Variants in DYSF observed in about 807,000 individuals in gnomAD.
DYSF encodes the protein dysferlin, also known as dystrophy-associated fer-1-like 1.
DYSF carries 212 observed loss-of-function variants against 274.9 expected under a neutral mutation model. The observed-to-expected ratio is 0.77, with a 90% confidence interval of 0.69 to 0.86. The LOEUF (loss-of-function observed/expected upper bound fraction) is 0.86, where lower values mean the gene tolerates loss of function less well. Ranked by LOEUF, DYSF falls within the 40% of genes least tolerant of loss-of-function variation. The probability of loss-of-function intolerance (pLI) is 0.00; values close to 1 mark genes in which losing one functional copy is unlikely to be tolerated. For missense variants in DYSF, 2,666 were observed against 2,783.2 expected, an observed-to-expected ratio of 0.96 and a Z score of 0.95; for synonymous variants, 1,091 against 1,078.7, an observed-to-expected ratio of 1.01 and a Z score of -0.22.
At chr2:71,549,160 G>A (rs1314275424) in intron 17 of DYSF, among the ~76,000 whole-genome samples, 2 of 152,114 alleles carry the variant, frequency 1.3e-5, no homozygotes, top group African/African-American at 2.4e-5. Context: ...TGGAGGGGCC[G>A]TGATGATTTA....
chr2:71,499,736 C>T (rs2084784102), intron 3 of DYSF, among the ~76,000 whole-genome samples: 1 of 152,174 alleles, frequency 6.6e-6, no homozygotes, highest in Non-Finnish European at 1.5e-5. Flanking sequence ...TTGGCAGCGG[C>T]TCTTTCGGTC....
chr2:71,515,536 C>G lies in DYSF; in HGVS notation c.760-87C>G, dbSNP rs2086565469. The G allele has an allele frequency of 4.4e-6, 7 of 1,586,612 alleles. No individual in the cohort carries two copies. The Admixed American group carries it at 1.2e-4, about 27-fold the overall frequency. ...CCAAGAAGCCAGTGGTGAGATGGTC[C>G]CTGAGATTTCTGACTCTTGGGGTGG... On this transcript the variant is annotated intron_variant, in intron 7 of 55. Transcript: ENST00000410020.
At chr2:71,669,475 C>A in intron 50 of DYSF, 130 bp from the exon 51 acceptor site, 1 of 1,212,596 alleles carries the variant, frequency 8.2e-7, no homozygotes, top group Non-Finnish European at 1.2e-6. Flanking sequence ...TACATCGTGC[C>A]GATTTCCTGG....
intron 45 of DYSF, among the ~76,000 whole-genome samples, chr2:71,662,777 G>A (rs1005910107): frequency 6.6e-6 from 1 of 150,602 alleles, no homozygotes; most frequent in African/African-American, 2.5e-5. Context: ...GTATGTGTGT[G>A]TGTATGTGTG....
intron 4 of DYSF, among the ~76,000 whole-genome samples, chr2:71,509,799 G>A (rs986581571): frequency 1.3e-5 from 2 of 151,868 alleles, no homozygotes; most frequent in African/African-American, 4.8e-5. Context: ...TGTTTTTGAG[G>A]CAGAGTCTTG....
exon 1 of DYSF, chr2:71,453,814 G>A: frequency 1.5e-6 from 1 of 660,828 alleles, no homozygotes; most frequent in Non-Finnish European, 2.7e-6. Context: ...TAGCCCACTG[G>A]AGCAGCCGGG....
At chr2:71,531,067 GA>G (rs2088648384) in intron 14 of DYSF, among the ~76,000 whole-genome samples, 2 of 151,182 alleles carry the variant, frequency 1.3e-5, no homozygotes, top group East Asian at 2.0e-4. Flanking sequence ...AGGACAGGAA[GA>G]TTTAAAACAA....
rs539227457 is a variant in DYSF at position 71,611,528 on chromosome 2, C to T, written c.4123C>T (p.Leu1375Phe). The T allele has an allele frequency of 6.2e-7, 1 of 1,614,190 alleles. No individual in the cohort carries two copies. The highest frequency in any genetic ancestry group is 1.3e-5 in the African/African-American group (1 of 75,048). ...GCTGGCCAACATCTCCTCCCCCAGC[C>T]TCGTGGTAGAGTGTGGGGGCCAGAC... ...YQLANISSPS[L>F]VVECGGQTVQ... Residue 1375 changes from leucine (L) to phenylalanine (F), a missense_variant, in exon 38 of 56, where the codon CTC becomes TTC. By Grantham distance (22) the Leu-to-Phe change is conservative (BLOSUM62 0). Transcript: ENST00000410020.
chr2:71,504,047 T>C (rs7571056), intron 4 of DYSF, among the ~76,000 whole-genome samples: 103,522 of 152,194 alleles, frequency 0.68, 36,416 homozygotes, highest in Non-Finnish European at 0.77. Flanking sequence ...GACAGGGCAG[T>C]GGTACTGCCC....
intron 41 of DYSF, among the ~76,000 whole-genome samples, chr2:71,631,123 A>G (rs1387003070): frequency 2.6e-5 from 4 of 152,186 alleles, no homozygotes; most frequent in African/African-American, 9.7e-5. Context: ...CTTTGAAGCA[A>G]AGGTTTTCTG....
intron 1 of DYSF, among the ~76,000 whole-genome samples, chr2:71,455,660 C>T (rs12479238): frequency 0.3 from 45,712 of 152,130 alleles, 8,451 homozygotes; most frequent in Admixed American, 0.47. Context: ...AGCCCCTTGG[C>T]GGAGGGGAGG....
chr2:71,554,994 T>C (rs1460377486), intron 21 of DYSF, among the ~76,000 whole-genome samples: 1 of 151,954 alleles, frequency 6.6e-6, no homozygotes, highest in Non-Finnish European at 1.5e-5. Flanking sequence ...TGCAGGAGCA[T>C]GCTCAGATCA....
intron 41 of DYSF, among the ~76,000 whole-genome samples, chr2:71,629,259 T>G (rs1243228432): frequency 1.3e-5 from 2 of 152,234 alleles, no homozygotes; most frequent in African/African-American, 4.8e-5. Context: ...TTTTCAGTCT[T>G]AAGTACTATA....
At chr2:71,526,418 T>TGGGTGTGGGGGGGGGGGTTG in intron 13 of DYSF, 72 bp downstream of exon 13, 1 of 261,506 alleles carries the variant, frequency 3.8e-6, no homozygotes, top group Non-Finnish European at 7.0e-6. Flanking sequence ...GGGTGGGCGA[T>TGGGTGTGGGGGGGGGGGTTG]GGCGGGCGGG....
intron 24 of DYSF, among the ~76,000 whole-genome samples, chr2:71,564,568 C>G (rs1243600081): frequency 1.3e-5 from 2 of 152,176 alleles, no homozygotes; most frequent in African/African-American, 4.8e-5. Flanking sequence ...TTCCCAGGCA[C>G]TAGCAGGCCT....
intron 4 of DYSF, among the ~76,000 whole-genome samples, chr2:71,503,957 TCCAGGATGTA>T (rs756598995): frequency 2.2e-4 from 34 of 152,336 alleles, no homozygotes; most frequent in Non-Finnish European, 4.3e-4. Flanking sequence ...AGCCCCGCCT[TCCAGGATGTA>T]CCAGGAACCA....
In DYSF at chr2:71,568,582, G is replaced by C. The variant is rs111459768; in HGVS notation, c.2864+244G>C. The stretch of plus-strand genomic sequence containing the variant: ...TAAAAAAATTTTTTTTTTTTTTTGA[G>C]ACAGAGTCTCACTCTGTTTGGAGGC... On this transcript the variant is annotated intron_variant, in intron 26 of 55. Coordinates refer to ENST00000410020, the MANE Select transcript of DYSF (RefSeq NM_001130987.2). Among the ~76,000 whole-genome samples, 27,959 of 150,114 alleles carry C rather than the reference G, an allele frequency of 0.19. 2,794 individuals are homozygous for C. Among genetic ancestry groups the C allele is most frequent in the Middle Eastern group, 0.26 (75 of 294 alleles).
chr2:71,667,046 G>A (rs1217340373), intron 47 of DYSF, among the ~76,000 whole-genome samples: 2 of 152,360 alleles, frequency 1.3e-5, no homozygotes, highest in Admixed American at 1.3e-4. Context: ...GTTGGGAGCA[G>A]TCAGGGAGAG....
intron 3 of DYSF, among the ~76,000 whole-genome samples, chr2:71,484,738 G>A (rs2083229766): frequency 6.6e-6 from 1 of 152,176 alleles, no homozygotes; most frequent in Admixed American, 6.5e-5. Context: ...TTAGTTCTCT[G>A]TAGGGAGATT....
Sources: gnomAD v4.1 joint callset for allele counts (sites outside exome capture counted in the v4.1 genomes callset) on GRCh38, gnomAD v4.1.1 for gene constraint, MANE v1.5 for transcripts, NCBI Gene and HGNC (gene_info 2026-07-23, HGNC 2026-07-21) for gene names.